Variants in MACROD2 observed in about 807,000 individuals in gnomAD.
MACROD2 encodes the protein mono-ADP ribosylhydrolase 2, also known as ADP-ribose glycohydrolase MACROD2.
A neutral mutation model predicts 70.4 loss-of-function variants in MACROD2; 36 were observed. That is an observed-to-expected ratio of 0.51 (90% CI 0.39 to 0.68). The LOEUF (loss-of-function observed/expected upper bound fraction) is 0.68. Ranked by LOEUF, MACROD2 falls within the 30% of genes least tolerant of loss-of-function variation. MACROD2 has a pLI of 0.00. For synonymous variants in MACROD2, 172 were observed against 178.8 expected (o/e 0.96, Z 0.30); for missense variants, 496 against 538.4 (o/e 0.92, Z 0.78).
At chr20:14,806,946 G>A (rs925274922) in intron 5 of MACROD2, among the ~76,000 whole-genome samples, 3 of 152,106 alleles carry the variant, frequency 2.0e-5, no homozygotes, top group Non-Finnish European at 4.4e-5. Flanking sequence ...CCCAGCCAGG[G>A]GCTTATAGAT....
At chr20:14,244,219 G>T in intron 3 of MACROD2, among the ~76,000 whole-genome samples, 1 of 152,150 alleles carries the variant, frequency 6.6e-6, no homozygotes, top group East Asian at 1.9e-4. Flanking sequence ...ATAGAAGAAT[G>T]ACAGAGCTAG....
intron 5 of MACROD2, among the ~76,000 whole-genome samples, chr20:15,051,464 A>G (rs989787136): frequency 4.0e-5 from 6 of 151,700 alleles, no homozygotes; most frequent in Non-Finnish European, 7.4e-5. Flanking sequence ...TCCATAGGGC[A>G]GGCAGGACAG....
intron 15 of MACROD2, among the ~76,000 whole-genome samples, chr20:16,008,714 A>G (rs775678162): frequency 2.0e-5 from 3 of 152,334 alleles, no homozygotes; most frequent in East Asian, 1.9e-4. Flanking sequence ...CTCTCAATCA[A>G]TATTAATTAT....
At chr20:15,365,739 C>T (rs2045400424) in intron 6 of MACROD2, among the ~76,000 whole-genome samples, 2 of 151,152 alleles carry the variant, frequency 1.3e-5, no homozygotes, top group African/African-American at 4.9e-5. Context: ...TTAATTATAT[C>T]AAAAGAGTTT....
Position 14,326,678 on chromosome 20 carries a change from C to T in MACROD2, c.272-166801C>T. The T allele has an allele frequency of 6.2e-7, 1 of 1,613,726 alleles. No homozygotes were observed. Among genetic ancestry groups the T allele is most frequent in the Non-Finnish European group, 8.5e-7 (1 of 1,179,812 alleles). ...TTACTTAGGTTATTATTGGACATATCCAGTCGATAGAGCTGCCTTAGATAA... is the reference window on the plus strand; with the variant it reads ...TTACTTAGGTTATTATTGGACATATTCAGTCGATAGAGCTGCCTTAGATAA... On this transcript the variant is annotated intron_variant, in intron 3 of 17. Coordinates refer to ENST00000684519, the MANE Select transcript of MACROD2 (RefSeq NM_001351661.2). This position sits in a 1 kb window ranked among gnomAD's most constrained non-coding sequence, Gnocchi z 5.5.
At chr20:15,050,904 A>G (rs1448525688) in intron 5 of MACROD2, among the ~76,000 whole-genome samples, 3 of 152,184 alleles carry the variant, frequency 2.0e-5, no homozygotes, top group African/African-American at 7.2e-5. Flanking sequence ...AGGGTGTTCA[A>G]AATTGGAAGT....
At chr20:15,376,460 A>T (rs1489124569) in intron 6 of MACROD2, among the ~76,000 whole-genome samples, 1 of 152,162 alleles carries the variant, frequency 6.6e-6, no homozygotes, top group Non-Finnish European at 1.5e-5. Context: ...ACCGCTGGAA[A>T]ATAAAAGTGA....
chr20:14,653,333 G>A (rs984646244), intron 4 of MACROD2, among the ~76,000 whole-genome samples: 2 of 150,868 alleles, frequency 1.3e-5, no homozygotes, highest in African/African-American at 2.4e-5. Flanking sequence ...ATTCTCCTGC[G>A]TCAGCGTCCT....
intron 5 of MACROD2, among the ~76,000 whole-genome samples, chr20:14,786,389 C>T (rs555524020): frequency 1.3e-5 from 2 of 152,108 alleles, no homozygotes; most frequent in African/African-American, 4.8e-5. Context: ...ATGACTTGGT[C>T]CTTAACTCTT....
intron 5 of MACROD2, among the ~76,000 whole-genome samples, chr20:14,800,282 G>A (rs531931489): frequency 8.0e-4 from 122 of 152,160 alleles, no homozygotes; most frequent in Middle Eastern, 6.8e-3. Context: ...CTAAAAGAGA[G>A]AATTTAGCTA....
At chr20:15,427,372 A>T (rs907234874) in intron 6 of MACROD2, among the ~76,000 whole-genome samples, 4 of 152,336 alleles carry the variant, frequency 2.6e-5, no homozygotes, top group African/African-American at 9.6e-5. Flanking sequence ...CTTGTCATTA[A>T]CTGTGCAGTA....
intron 3 of MACROD2, among the ~76,000 whole-genome samples, chr20:14,336,750 A>T (rs143316295): frequency 6.6e-6 from 1 of 152,188 alleles, no homozygotes; most frequent in Non-Finnish European, 1.5e-5. Flanking sequence ...TTGGTGTTCT[A>T]TTGAAGAGGG....
intron 6 of MACROD2, among the ~76,000 whole-genome samples, chr20:15,233,060 A>G (rs1255689177): frequency 2.0e-5 from 3 of 151,976 alleles, no homozygotes; most frequent in African/African-American, 7.2e-5. Flanking sequence ...AGACAAATAA[A>G]TGGACAAGAT....
intron 8 of MACROD2, among the ~76,000 whole-genome samples, chr20:15,696,589 C>G (rs2050375337): frequency 5.3e-5 from 8 of 149,762 alleles, no homozygotes; most frequent in Admixed American, 4.7e-4. Context: ...CCTTCTTTCT[C>G]TATCTTGTGG....
chr20:14,558,655 A>G (rs1979217270), intron 4 of MACROD2, among the ~76,000 whole-genome samples: 1 of 151,826 alleles, frequency 6.6e-6, no homozygotes, highest in South Asian at 2.1e-4. Context: ...AAATGTGTGC[A>G]CATCAAATAA....
At chr20:14,450,516 A>G (rs2084233804) in intron 3 of MACROD2, among the ~76,000 whole-genome samples, 1 of 152,150 alleles carries the variant, frequency 6.6e-6, no homozygotes, top group Admixed American at 6.5e-5. Flanking sequence ...CTTCAGTGGG[A>G]GTAGTTAGCA....
chr20:15,721,200 G>A (rs1333758091), intron 8 of MACROD2, among the ~76,000 whole-genome samples: 3 of 151,568 alleles, frequency 2.0e-5, no homozygotes, highest in Admixed American at 1.3e-4. Context: ...GTGCTGGCTT[G>A]TAGACGTGCT....
chr20:16,041,902 T>C (rs1467371365), intron 16 of MACROD2, among the ~76,000 whole-genome samples: 1 of 152,064 alleles, frequency 6.6e-6, no homozygotes, highest in East Asian at 1.9e-4. Flanking sequence ...GAAATACCAT[T>C]ACTTACATTA....
intron 10 of MACROD2, among the ~76,000 whole-genome samples, chr20:15,930,109 G>A (rs747581251): frequency 4.3e-4 from 65 of 152,204 alleles, no homozygotes; most frequent in East Asian, 1.9e-4. Flanking sequence ...AAATAGCCTC[G>A]CACTTCCCTA....
Sources: allele counts gnomAD v4.1 joint callset (sites outside exome capture counted in the v4.1 genomes callset), GRCh38; gene constraint gnomAD v4.1.1; non-coding constraint Gnocchi (gnomAD v3.1); transcripts MANE v1.5; gene names NCBI Gene and HGNC (gene_info 2026-07-23, HGNC 2026-07-21).